The following APC2 variants were observed in gnomAD, a reference collection of about 807,000 sequenced individuals.
APC2 encodes the protein APC regulator of Wnt signaling pathway 2, also known as adenomatous polyposis coli protein 2.
Under a neutral mutation model 72.5 loss-of-function variants are expected in APC2, and 41 were observed. The ratio of observed to expected loss-of-function variants is 0.57; its 90% CI spans 0.44 to 0.73. The LOEUF is 0.73. Among genes scored for constraint, APC2 ranks in the 30% least tolerant of loss-of-function variants. The pLI is 0.00. For synonymous variants in APC2, 1,898 were observed against 1,612.0 expected (o/e 1.18, Z -4.25); for missense variants, 3,729 against 3,403.4 (o/e 1.10, Z -2.38).
chr19:1,449,763 C>T (rs941710507), upstream of APC2, among the ~76,000 whole-genome samples: 1 of 152,218 alleles, frequency 6.6e-6, no homozygotes, highest in African/African-American at 2.4e-5. Context: ...GGCCTGGCCC[C>T]AGCCCGGCCA....
intron 6 of APC2, 129 bp from the exon 7 acceptor site, chr19:1,455,947 A>G: frequency 3.2e-6 from 1 of 314,446 alleles, no homozygotes; most frequent in Non-Finnish European, 4.7e-6. Flanking sequence ...AGGTAGGGTC[A>G]GGGCCTGGGG....
chr19:1,468,746 G>A lies in APC2; in HGVS notation c.5445G>A (p.Pro1815=), dbSNP rs1413646129. Reference sequence around the variant, plus strand: ...GGACCCCCGGCCCCCGCGCCACACCGCGGAAGGTGGCGCCCCCTTGCCTGG... The same window carrying A: ...GGACCCCCGGCCCCCGCGCCACACCACGGAAGGTGGCGCCCCCTTGCCTGG... The part of the protein sequence containing the change: ...PKGTPGPRAT[P]RKVAPPCLAQ... Residue 1815 remains proline, a synonymous_variant, in exon 15 of 15, where the codon CCG becomes CCA. Coordinates refer to ENST00000590469, the MANE Select transcript of APC2 (RefSeq NM_005883.3). 1.3e-6 allele frequency: 2 copies of A among 1,497,678 alleles called. No homozygotes were observed. The highest frequency in any genetic ancestry group is 1.8e-6 in the Non-Finnish European group (2 of 1,121,688). The allele number at this position is 1,497,678 out of a possible 1,614,324, so 92.8% of individuals were successfully genotyped here.
At position 1,467,974 on chromosome 19, in the gene APC2, C is replaced by T. The variant is rs2084052509; in HGVS notation, c.4673C>T (p.Ala1558Val). The T allele has an allele frequency of 6.3e-7, 1 of 1,578,716 alleles. No individual in the cohort carries two copies. The highest frequency in any genetic ancestry group is 8.5e-7 in the Non-Finnish European group (1 of 1,171,832). ...APAPSKAAPAAPPPARTQPSL... is the reference protein window; with the variant it reads ...APAPSKAAPAVPPPARTQPSL... ...GCCCCGTCCAAGGCTGCACCAGCTG[C>T]CCCGCCGCCCGCCCGGACCCAGCCC... is the stretch of plus-strand genomic sequence containing the variant. Residue 1558 changes from alanine (A) to valine (V), a missense_variant, in exon 15 of 15, where the codon GCC (alanine) becomes GTC (valine). Transcript: ENST00000590469.
In APC2 at chr19:1,453,883, C is replaced by T. The variant is rs561241647; in HGVS notation, c.413+272C>T. On this transcript the variant is annotated intron_variant, in intron 4 of 14. Coordinates refer to ENST00000590469, the MANE Select transcript of APC2 (RefSeq NM_005883.3). ...GGCTGAGGGAAAGGCTCCTTGGAGACGTCCCCAGGGGTCCGAGACACGCAG... is the reference window on the plus strand; with the variant it reads ...GGCTGAGGGAAAGGCTCCTTGGAGATGTCCCCAGGGGTCCGAGACACGCAG... Among the ~76,000 whole-genome samples, 9 of 152,292 alleles carry T rather than the reference C, an allele frequency of 5.9e-5. No homozygotes were observed. In the South Asian group the frequency reaches 8.3e-4, roughly 14 times the overall value.
At position 1,465,604 on chromosome 19, in the gene APC2, C is replaced by T. The variant is rs781666918; in HGVS notation, c.2303C>T (p.Ala768Val). 1.9e-6 allele frequency: 3 copies of T among 1,594,736 alleles called. No homozygotes were observed. Among genetic ancestry groups the T allele is most frequent in the Admixed American group, 1.7e-5 (1 of 58,082 alleles). ...LPPLRHLDGL[A>V]QDYASDSGCF... ...CCCCTGCGACACCTGGACGGCCTGGCCCAAGACTATGCTTCCGATTCGGGC... is the reference window on the plus strand; with the variant it reads ...CCCCTGCGACACCTGGACGGCCTGGTCCAAGACTATGCTTCCGATTCGGGC... The change falls in exon 15 of 15, where the codon GCC becomes GTC. Residue 768 changes from alanine (A) to valine (V), a missense_variant. Coordinates refer to ENST00000590469, the MANE Select transcript of APC2 (RefSeq NM_005883.3).
intron 9 of APC2, 142 bp from the exon 10 acceptor site, chr19:1,457,823 G>A: frequency 1.4e-6 from 1 of 701,586 alleles, no homozygotes; most frequent in African/African-American, 1.9e-5. Flanking sequence ...AGAGAGGCTG[G>A]GAAAGGAAGT....
Position 1,467,990 on chromosome 19 carries a change from G to A in APC2, c.4689G>A (p.Arg1563=), listed in dbSNP as rs1333271865. Residue 1563 remains arginine, a synonymous_variant, in exon 15 of 15, where the codon CGG becomes CGA. Coordinates refer to ENST00000590469, the MANE Select transcript of APC2 (RefSeq NM_005883.3). ...KAAPAAPPPA[R]TQPSLIADET... ...CACCAGCTGCCCCGCCGCCCGCCCGGACCCAGCCCAGCCTCATTGCTGACG... is the reference window on the plus strand; with the variant it reads ...CACCAGCTGCCCCGCCGCCCGCCCGAACCCAGCCCAGCCTCATTGCTGACG... 3.2e-6 allele frequency: 5 copies of A among 1,582,578 alleles called. No individual in the cohort carries two copies. In the African/African-American group the frequency reaches 4.2e-5, roughly 13 times the overall value.
In APC2 at chr19:1,470,435, G is replaced by A. The variant is rs748999377; in HGVS notation, c.*222G>A. The A allele has an allele frequency of 3.2e-5, 21 of 658,082 alleles. No individual in the cohort carries two copies. Among genetic ancestry groups the A allele is most frequent in the South Asian group, 2.4e-4 (10 of 41,076 alleles). The allele number at this position is 658,082 out of a possible 1,614,324, so 40.8% of individuals were successfully genotyped here. ...AGGTCCAGGAGGAAACGGGGCGGCC[G>A]CTAGGCCTCAAGTCCCGACCGTGGA... On this transcript the variant is annotated 3_prime_UTR_variant, in exon 15 of 15. Coordinates refer to ENST00000590469, the MANE Select transcript of APC2 (RefSeq NM_005883.3).
In APC2 at chr19:1,456,078, C is replaced by G; in HGVS notation, c.642C>G (p.Ile214Met). The change falls in exon 7 of 15, where the codon ATC becomes ATG. Residue 214 changes from isoleucine (I) to methionine (M), a missense_variant and splice_region_variant. By Grantham distance (10) the Ile-to-Met change is conservative (BLOSUM62 1). Coordinates refer to ENST00000590469, the MANE Select transcript of APC2 (RefSeq NM_005883.3). ...TSDEMVQRAQ[I>M]RASRLEQIDK... ...TGCCCTCGTGTGGTCCTGAGCAGAT[C>G]CGCGCCTCGCGCCTGGAGCAGATTG... The G allele has an allele frequency of 6.4e-7, 1 of 1,571,590 alleles. No homozygotes were observed. The highest frequency in any genetic ancestry group is 8.6e-7 in the Non-Finnish European group (1 of 1,162,186).
chr19:1,467,268 G>C lies in APC2; in HGVS notation c.3967G>C (p.Glu1323Gln). ...LHFAGHRRRE[E>Q]GPAPTGSRPR... is the part of the protein sequence containing the mutation. ...CTTTGCAGGGCACCGGCGGCGGGAGGAGGGGCCGGCGCCCACGGGTTCTCG... is the reference window on the plus strand; with the variant it reads ...CTTTGCAGGGCACCGGCGGCGGGAGCAGGGGCCGGCGCCCACGGGTTCTCG... The change falls in exon 15 of 15, where the codon GAG becomes CAG. Residue 1323 changes from glutamate (E) to glutamine (Q), a missense_variant. Transcript: ENST00000590469. The C allele has an allele frequency of 3.8e-6, 5 of 1,306,086 alleles. No homozygotes were observed. Among genetic ancestry groups the C allele is most frequent in the Non-Finnish European group, 4.8e-6 (5 of 1,032,384 alleles). The allele number at this position is 1,306,086 out of a possible 1,614,324, so 80.9% of individuals were successfully genotyped here. A position where few individuals can be genotyped will look rare whatever the true frequency, so the allele number is the denominator to read the frequency against.
At chr19:1,448,544 TAAAAAAA>T (rs547873034), upstream of APC2, among the ~76,000 whole-genome samples, 1 of 82,706 alleles carries the variant, frequency 1.2e-5, no homozygotes, top group African/African-American at 4.8e-5. Flanking sequence ...AGACCCCATC[TAAAAAAA>T]AAAAAAAAAA....
In APC2 at chr19:1,466,257, G is replaced by A. The variant is rs765291333; in HGVS notation, c.2956G>A (p.Ala986Thr). ...AEPPAREATS[A>T]DARVRTIKLS... ...GCCCCCGGCCCGCGAGGCCACCTCC[G>A]CCGACGCCCGCGTGCGCACCATCAA... Residue 986 changes from alanine to threonine, a missense_variant, in exon 15 of 15, where the codon GCC becomes ACC. Coordinates refer to ENST00000590469, the MANE Select transcript of APC2 (RefSeq NM_005883.3). 9 of 1,528,218 alleles carry A rather than the reference G, an allele frequency of 5.9e-6. No individual in the cohort carries two copies. The East Asian group carries it at 9.7e-5, about 16-fold the overall frequency. The allele number at this position is 1,528,218 out of a possible 1,614,324, so 94.7% of individuals were successfully genotyped here.
In APC2 at chr19:1,462,082, C is replaced by G. The variant is rs761995449; in HGVS notation, c.1758C>G (p.Thr586=). ...GALGFLVSTL[T]YKCQSNSLAI... Reference sequence around the variant, plus strand: ...TGGGCTTCCTGGTGAGCACCCTGACCTACAAGTGTCAGAGCAACTCGCTGG... The same window carrying G: ...TGGGCTTCCTGGTGAGCACCCTGACGTACAAGTGTCAGAGCAACTCGCTGG... Residue 586 remains threonine (T), a synonymous_variant, in exon 14 of 15, where the codon ACC becomes ACG. Coordinates refer to ENST00000590469, the MANE Select transcript of APC2 (RefSeq NM_005883.3). 1 of 1,613,042 alleles carries G rather than the reference C, an allele frequency of 6.2e-7. No individual in the cohort carries two copies. Among genetic ancestry groups the G allele is most frequent in the Admixed American group, 1.7e-5 (1 of 60,018 alleles).
rs1027729530 is a variant in APC2 at position 1,472,065 on chromosome 19, G to A, written c.*1852G>A. The A allele has an allele frequency of 3.3e-5, 5 of 152,448 alleles. No homozygotes were observed. The highest frequency in any genetic ancestry group is 9.7e-5 in the African/African-American group (4 of 41,440). 9.4% of individuals were successfully genotyped at this position (152,448 alleles called of 1,614,324 possible). Reference sequence around the variant, plus strand: ...GCTGTCAGGTTGTTTTGGGGGAAGAGGGGGTCATGGATGGCTGAGCAGAGA... The same window carrying A: ...GCTGTCAGGTTGTTTTGGGGGAAGAAGGGGTCATGGATGGCTGAGCAGAGA... On this transcript the variant is annotated 3_prime_UTR_variant, in exon 15 of 15. Transcript: ENST00000590469.
intron 14 of APC2, among the ~76,000 whole-genome samples, chr19:1,464,936 CTT>C (rs78166202): frequency 1.9e-4 from 27 of 142,562 alleles, no homozygotes; most frequent in Non-Finnish European, 2.6e-4. Flanking sequence ...CCCGGCCTAC[CTT>C]TTTTTTTTTT....
At position 1,466,545 on chromosome 19, in the gene APC2, C is replaced by A. The variant is rs2084019070; in HGVS notation, c.3244C>A (p.Pro1082Thr). 2 of 1,584,392 alleles carry A rather than the reference C, an allele frequency of 1.3e-6. No individual in the cohort carries two copies. Among genetic ancestry groups the A allele is most frequent in the Non-Finnish European group, 1.7e-6 (2 of 1,173,202 alleles). ...SLSSLSSAGR[P>T]GPSEGGDLDD... The stretch of plus-strand genomic sequence containing the variant: ...TTCCTCGCTGTCCTCGGCCGGCCGC[C>A]CAGGCCCCAGCGAGGGTGGTGACCT... The change falls in exon 15 of 15, where the codon CCA becomes ACA. Residue 1082 changes from proline to threonine, a missense_variant. Coordinates refer to ENST00000590469, the MANE Select transcript of APC2 (RefSeq NM_005883.3).
At chr19:1,450,038 C>T, upstream of APC2, 2 of 808,588 alleles carry the variant, frequency 2.5e-6, no homozygotes, top group Non-Finnish European at 3.0e-6. Context: ...CCGCCATTGG[C>T]TGTTGCCATG....
chr19:1,471,564 T>C lies in APC2; in HGVS notation c.*1351T>C, dbSNP rs561616880. 1 of 152,338 alleles carries C rather than the reference T, an allele frequency of 6.6e-6. No homozygotes were observed. Among genetic ancestry groups the C allele is most frequent in the African/African-American group, 2.4e-5 (1 of 41,576 alleles). The allele number at this position is 152,338 out of a possible 1,614,324, so 9.4% of individuals were successfully genotyped here. A position where few individuals can be genotyped will look rare whatever the true frequency, so the allele number is the denominator to read the frequency against. On this transcript the variant is annotated 3_prime_UTR_variant, in exon 15 of 15. Transcript: ENST00000590469. ...GGGTCTCCGTGACTGGGGCAACGCC[T>C]CGTCCTGCAGAGGGAGCCGACGACC...
At chr19:1,449,481 CAG>C (rs879694109), upstream of APC2, among the ~76,000 whole-genome samples, 10 of 152,060 alleles carry the variant, frequency 6.6e-5, no homozygotes, top group Non-Finnish European at 1.5e-4. Context: ...CACATGGAGA[CAG>C]AGATTGAGAG....
Sources: allele counts gnomAD v4.1 joint callset (sites outside exome capture counted in the v4.1 genomes callset), GRCh38; gene constraint gnomAD v4.1.1; transcripts MANE v1.5; gene names NCBI Gene and HGNC (gene_info 2026-07-23, HGNC 2026-07-21).